Variants in TENM3 observed in about 807,000 individuals in gnomAD.
TENM3 encodes teneurin transmembrane protein 3.
A neutral mutation model predicts 255.1 loss-of-function variants in TENM3; 63 were observed. The ratio of observed to expected loss-of-function variants is 0.25; its 90% CI spans 0.20 to 0.30. The LOEUF is 0.30. TENM3 is among the 10% of genes least tolerant of loss of function. The pLI is 1.00. For synonymous variants in TENM3, 1,306 were observed against 1,322.3 expected, an observed-to-expected ratio of 0.99 and a Z score of 0.27; for missense variants, 2,929 against 3,461.1, an observed-to-expected ratio of 0.85 and a Z score of 3.86.
chr4:182,624,009 C>T (rs1240440481), intron 4 of TENM3, among the ~76,000 whole-genome samples: 1 of 152,088 alleles, frequency 6.6e-6, no homozygotes, highest in Non-Finnish European at 1.5e-5. Context: ...CCTGTTATCA[C>T]CTCCGTTCTC....
At position 182,754,505 on chromosome 4, in the gene TENM3, C is replaced by A. The variant is rs1481061257; in HGVS notation, c.4138C>A (p.Arg1380=). The part of the protein sequence containing the change: ...ENRQVRIAAG[R]PMHCQVPGVE... ...TCGTCAAGTTCGCATTGCTGCTGGACGGCCCATGCACTGTCAGGTTCCCGG... is the reference window on the plus strand; with the variant it reads ...TCGTCAAGTTCGCATTGCTGCTGGAAGGCCCATGCACTGTCAGGTTCCCGG... Residue 1380 remains arginine, a synonymous_variant, in exon 22 of 28, where the codon CGG becomes AGG. Transcript: ENST00000511685. The surrounding 1 kb of genome is among the most constrained non-coding windows in gnomAD (Gnocchi z 5.1). 1 of 1,613,674 alleles carries A rather than the reference C, an allele frequency of 6.2e-7. No homozygotes were observed. Among genetic ancestry groups the A allele is most frequent in the Non-Finnish European group, 8.5e-7 (1 of 1,179,814 alleles).
the TENM3 span, among the ~76,000 whole-genome samples, chr4:182,124,501 C>T: frequency 6.6e-6 from 1 of 151,998 alleles, no homozygotes; most frequent in Admixed American, 6.5e-5. Flanking sequence ...CTCGAGACTA[C>T]AGTGTTGTTC....
chr4:181,534,022 C>T, the TENM3 span, among the ~76,000 whole-genome samples: 1 of 152,172 alleles, frequency 6.6e-6, no homozygotes, highest in Admixed American at 6.5e-5. Flanking sequence ...GAGATTCACA[C>T]AAAGACTAGG....
chr4:181,836,310 T>C, the TENM3 span, among the ~76,000 whole-genome samples: 1 of 152,120 alleles, frequency 6.6e-6, no homozygotes, highest in African/African-American at 2.4e-5. Flanking sequence ...AAAATGAAAT[T>C]ATAGCCATTT....
chr4:181,852,164 T>A, the TENM3 span, among the ~76,000 whole-genome samples: 1 of 152,132 alleles, frequency 6.6e-6, no homozygotes, highest in African/African-American at 2.4e-5. Context: ...CAAGAGAAGG[T>A]CTTAGCGAAT....
At chr4:181,716,477 C>T in the TENM3 span, among the ~76,000 whole-genome samples, 59 of 152,286 alleles carry the variant, frequency 3.9e-4, no homozygotes, top group Non-Finnish European at 7.4e-4. Flanking sequence ...CTCAGTAGCC[C>T]TCCATGGCTC....
At chr4:182,642,123 C>T (rs1752368580) in intron 5 of TENM3, among the ~76,000 whole-genome samples, 1 of 152,198 alleles carries the variant, frequency 6.6e-6, no homozygotes, top group Admixed American at 6.6e-5. Flanking sequence ...CTCAAAAATT[C>T]TCTAGCTTAT....
chr4:182,601,275 C>A (rs1479730756), intron 4 of TENM3, 114 bp downstream of exon 4: 1 of 845,250 alleles, frequency 1.2e-6, no homozygotes, highest in Non-Finnish European at 1.8e-6. Flanking sequence ...GTTGTGTTTT[C>A]TTTTTTCTTC....
chr4:182,639,115 C>T (rs1752085641), intron 5 of TENM3, among the ~76,000 whole-genome samples: 1 of 152,090 alleles, frequency 6.6e-6, no homozygotes, highest in Admixed American at 6.6e-5. Flanking sequence ...ATACTGAATT[C>T]ACAAAGATGA....
chr4:182,166,506 G>T (rs1187170649), intron 1 of TENM3, among the ~76,000 whole-genome samples: 1 of 150,650 alleles, frequency 6.6e-6, no homozygotes, highest in Non-Finnish European at 1.5e-5. Flanking sequence ...TTTTGCAGCT[G>T]CCAAGCGGAT....
At chr4:181,706,618 A>G in the TENM3 span, among the ~76,000 whole-genome samples, 6 of 152,158 alleles carry the variant, frequency 3.9e-5, no homozygotes. Context: ...TTTTTAAAGC[A>G]ATTTTATATA....
intron 1 of TENM3, among the ~76,000 whole-genome samples, chr4:182,285,451 T>C (rs1760673729): frequency 6.6e-6 from 1 of 152,202 alleles, no homozygotes; most frequent in South Asian, 2.1e-4. Context: ...TGATACTGAC[T>C]GTGGGGTCCA....
intron 3 of TENM3, among the ~76,000 whole-genome samples, chr4:182,489,137 G>A (rs1191190249): frequency 2.6e-5 from 4 of 152,112 alleles, no homozygotes; most frequent in South Asian, 2.1e-4. Context: ...GAATTTGATC[G>A]TTAAGGGAGA....
At chr4:181,717,810 G>A in the TENM3 span, among the ~76,000 whole-genome samples, 1 of 151,952 alleles carries the variant, frequency 6.6e-6, no homozygotes, top group African/African-American at 2.4e-5. Flanking sequence ...CAATTCAATC[G>A]TATTTAAAAA....
At chr4:181,828,449 T>G in the TENM3 span, among the ~76,000 whole-genome samples, 1 of 152,232 alleles carries the variant, frequency 6.6e-6, no homozygotes, top group African/African-American at 2.4e-5. Flanking sequence ...CTTCAAAATA[T>G]CCCAATGAAG....
At chr4:181,654,467 A>T in the TENM3 span, among the ~76,000 whole-genome samples, 36 of 152,208 alleles carry the variant, frequency 2.4e-4, no homozygotes, top group Non-Finnish European at 5.1e-4. Context: ...CGGCTAAACC[A>T]ATTCTTCTCA....
Position 182,793,221 on chromosome 4 carries a change from A to G in TENM3, c.6549A>G (p.Arg2183=), listed in dbSNP as rs1457499944. ...ATGACCTGCGAGACAGAATCACTCG[A>G]CTGGGTGATGTTCAATATCGGTTGG... ...LRYDLRDRIT[R]LGDVQYRLDE... The change falls in exon 26 of 28, where the codon CGA becomes CGG. Residue 2183 remains arginine, a synonymous_variant. Coordinates refer to ENST00000511685, the MANE Select transcript of TENM3 (RefSeq NM_001080477.4). The surrounding 1 kb of genome is among the most constrained non-coding windows in gnomAD (Gnocchi z 5.7). 7.4e-6 allele frequency: 12 copies of G among 1,613,868 alleles called. No homozygotes were observed. The highest frequency in any genetic ancestry group is 1.0e-5 in the Non-Finnish European group (12 of 1,179,788).
intron 19 of TENM3, among the ~76,000 whole-genome samples, chr4:182,746,104 A>T (rs1420023770): frequency 6.6e-6 from 1 of 152,218 alleles, no homozygotes; most frequent in African/African-American, 2.4e-5. Context: ...GAAAAATAAT[A>T]ATATAAGACA....
chr4:181,941,165 A>T, the TENM3 span, among the ~76,000 whole-genome samples: 2,673 of 152,346 alleles, frequency 0.018, 59 homozygotes, highest in Non-Finnish European at 0.029. Context: ...CTAGCCACGT[A>T]TGAGATCATG....
Sources: allele counts gnomAD v4.1 joint callset (sites outside exome capture counted in the v4.1 genomes callset), GRCh38; gene constraint gnomAD v4.1.1; non-coding constraint Gnocchi (gnomAD v3.1); transcripts MANE v1.5; gene names NCBI Gene and HGNC (gene_info 2026-07-23, HGNC 2026-07-21).